The following PITPNC1 variants were observed in gnomAD, a reference collection of about 807,000 sequenced individuals.
PITPNC1 encodes the protein phosphatidylinositol transfer protein cytoplasmic 1, also known as cytoplasmic phosphatidylinositol transfer protein 1.
PITPNC1 carries 18 observed loss-of-function variants against 44.7 expected under a neutral mutation model. The observed-to-expected ratio is 0.40, with a 90% CI of 0.28 to 0.60. The LOEUF (loss-of-function observed/expected upper bound fraction) is 0.60, where lower values mean the gene tolerates loss of function less well. PITPNC1 is among the 20% of genes least tolerant of loss of function. PITPNC1 has a pLI of 0.39. For missense variants in PITPNC1, 290 were observed against 418.4 expected (o/e 0.69, Z 2.68); for synonymous variants, 141 against 149.6 (o/e 0.94, Z 0.42).
chr17:67,447,089 CAAAAAAAAAAAAAAAAA>C (rs749024248), intron 1 of PITPNC1, among the ~76,000 whole-genome samples: 7 of 35,344 alleles, frequency 2.0e-4, no homozygotes, highest in East Asian at 1.4e-3. Context: ...GACTCTGTCT[CAAAAAAAAAAAAAAAAA>C]AAAAAAAAAA....
At chr17:67,530,548 A>C (rs1213585042) in intron 1 of PITPNC1, among the ~76,000 whole-genome samples, 1 of 152,196 alleles carries the variant, frequency 6.6e-6, no homozygotes, top group Non-Finnish European at 1.5e-5. Context: ...ACTTCTGTAA[A>C]GACCCTATCT....
chr17:67,566,057 A>G (rs1324968281), intron 4 of PITPNC1, among the ~76,000 whole-genome samples: 3 of 152,056 alleles, frequency 2.0e-5, no homozygotes, highest in Non-Finnish European at 4.4e-5. Context: ...GTCGATCCCA[A>G]TGTACTTAAC....
chr17:67,481,212 G>T (rs998384051), intron 1 of PITPNC1, among the ~76,000 whole-genome samples: 1 of 152,202 alleles, frequency 6.6e-6, no homozygotes, highest in African/African-American at 2.4e-5. Context: ...GGCCTGCCTT[G>T]TTATCTTCTA....
chr17:67,590,396 A>G (rs935481090), intron 5 of PITPNC1, among the ~76,000 whole-genome samples: 26 of 152,222 alleles, frequency 1.7e-4, no homozygotes, highest in African/African-American at 5.8e-4. Flanking sequence ...ACTGAATTCT[A>G]AGTAATAAGT....
At chr17:67,628,148 C>G (rs909790665) in intron 5 of PITPNC1, among the ~76,000 whole-genome samples, 2 of 152,110 alleles carry the variant, frequency 1.3e-5, no homozygotes, top group Admixed American at 1.3e-4. Flanking sequence ...AGCCATCCAC[C>G]CGCCTTGGCC....
intron 5 of PITPNC1, among the ~76,000 whole-genome samples, chr17:67,593,305 T>C (rs1478820620): frequency 6.6e-6 from 1 of 152,168 alleles, no homozygotes; most frequent in Non-Finnish European, 1.5e-5. Flanking sequence ...TCTTTTTTTT[T>C]TTTTTAAGTA....
intron 6 of PITPNC1, among the ~76,000 whole-genome samples, chr17:67,662,140 C>G (rs748680697): frequency 6.6e-6 from 1 of 151,990 alleles, no homozygotes; most frequent in South Asian, 2.1e-4. Flanking sequence ...ATTTACATAC[C>G]ATAAAGCTCA....
intron 8 of PITPNC1, among the ~76,000 whole-genome samples, chr17:67,689,918 T>G (rs1286845391): frequency 6.6e-6 from 1 of 152,232 alleles, no homozygotes; most frequent in East Asian, 1.9e-4. Flanking sequence ...TTATATAACC[T>G]TAATCTCACT....
chr17:67,407,284 T>C (rs1169038595), intron 1 of PITPNC1, among the ~76,000 whole-genome samples: 1 of 152,274 alleles, frequency 6.6e-6, no homozygotes, highest in African/African-American at 2.4e-5. Context: ...TCTTTTCATC[T>C]ACTGGCAATT....
At chr17:67,551,445 C>G (rs2040761322) in intron 2 of PITPNC1, among the ~76,000 whole-genome samples, 1 of 152,200 alleles carries the variant, frequency 6.6e-6, no homozygotes, top group African/African-American at 2.4e-5. Flanking sequence ...GAGAGAGAAT[C>G]TGTCCCGGGC....
Position 67,482,557 on chromosome 17 carries a change from T to C in PITPNC1, c.49-50245T>C, listed in dbSNP as rs374283152. On this transcript the variant is annotated intron_variant, in intron 1 of 8. Transcript: ENST00000581322. The stretch of plus-strand genomic sequence containing the variant: ...CCTCGCAAAGTCAAGTGGTAGATTT[T>C]GACCTCTTCTTTAACCTACCCTGAA... 4.6e-5 allele frequency among the ~76,000 whole-genome samples: 7 copies of C among 152,350 alleles called. No homozygotes were observed. The East Asian group carries it at 1.2e-3, about 25-fold the overall frequency.
chr17:67,507,791 T>C (rs1220158871), intron 1 of PITPNC1, among the ~76,000 whole-genome samples: 1 of 151,888 alleles, frequency 6.6e-6, no homozygotes, highest in Non-Finnish European at 1.5e-5. Flanking sequence ...TTCTTTCTCT[T>C]ACTGGTCCTT....
intron 5 of PITPNC1, among the ~76,000 whole-genome samples, chr17:67,631,657 A>AATATATATATATATATATATATAT (rs1555574521): frequency 1.3e-3 from 10 of 7,670 alleles, no homozygotes; most frequent in African/African-American, 2.9e-3. Context: ...AAAAAAAAAA[A>AATATATATATATATATATATATAT]ATATATATAT....
At chr17:67,553,991 G>A (rs1209512485) in intron 4 of PITPNC1, among the ~76,000 whole-genome samples, 1 of 152,164 alleles carries the variant, frequency 6.6e-6, no homozygotes, top group African/African-American at 2.4e-5. Flanking sequence ...TTTACTCATG[G>A]ACTGTGTCCT....
chr17:67,534,062 T>C (rs1433267069), intron 2 of PITPNC1, among the ~76,000 whole-genome samples: 1 of 151,916 alleles, frequency 6.6e-6, no homozygotes, highest in Non-Finnish European at 1.5e-5. Flanking sequence ...TCCTGGCTAA[T>C]TTTTGTATTT....
chr17:67,655,558 CAAAAAAAAA>C (rs796111267), intron 6 of PITPNC1, among the ~76,000 whole-genome samples: 1 of 42,076 alleles, frequency 2.4e-5, no homozygotes, highest in Non-Finnish European at 5.0e-5. Flanking sequence ...AGACTCATCT[CAAAAAAAAA>C]AAAAAAAAAA....
intron 4 of PITPNC1, among the ~76,000 whole-genome samples, chr17:67,560,129 T>C (rs2040887555): frequency 6.6e-6 from 1 of 152,130 alleles, no homozygotes; most frequent in African/African-American, 2.4e-5. Context: ...CTAATGTACA[T>C]TGTGAATCTC....
chr17:67,434,797 CAAA>C (rs148706274), intron 1 of PITPNC1, among the ~76,000 whole-genome samples: 1 of 51,790 alleles, frequency 1.9e-5, no homozygotes, highest in Middle Eastern at 0.011. Flanking sequence ...GACTCTGCCT[CAAA>C]AAAAAAAAAA....
intron 1 of PITPNC1, among the ~76,000 whole-genome samples, chr17:67,389,743 A>C (rs2038109561): frequency 6.6e-6 from 1 of 152,018 alleles, no homozygotes; most frequent in Non-Finnish European, 1.5e-5. Context: ...GCTATGGCGC[A>C]ATCTCGGCTC....
Sources: gnomAD v4.1 joint callset for allele counts (sites outside exome capture counted in the v4.1 genomes callset) on GRCh38, gnomAD v4.1.1 for gene constraint, MANE v1.5 for transcripts, NCBI Gene and HGNC (gene_info 2026-07-23, HGNC 2026-07-21) for gene names.